The following ATP11C variants were observed in gnomAD, a reference collection of about 807,000 sequenced individuals.
ATP11C encodes the protein phospholipid-transporting ATPase IG.
ATP11C carries 36 observed loss-of-function variants against 97.4 expected under a neutral mutation model. The observed-to-expected ratio is 0.37, with a 90% CI of 0.28 to 0.49. ATP11C has a LOEUF of 0.49. Among genes scored for constraint, ATP11C ranks in the 20% least tolerant of loss-of-function variants. ATP11C has a pLI of 0.98. For missense variants in ATP11C, 730 were observed against 824.6 expected (o/e 0.89, Z 1.40); for synonymous variants, 275 against 290.9 (o/e 0.95, Z 0.56).
At chrX:139,729,019 C>T in intron 29 of ATP11C, 57 bp from the exon 30 acceptor site, 4 of 925,623 alleles carry the variant, frequency 4.3e-6, no homozygotes, top group Non-Finnish European at 6.1e-6. Context: ...GTGAAACCAT[C>T]TGTTAAGCAT....
intron 1 of ATP11C, among the ~76,000 whole-genome samples, chrX:139,841,100 A>C (rs985081068): frequency 1.4e-4 from 16 of 112,828 alleles, no homozygotes; most frequent in Admixed American, 6.6e-4. Flanking sequence ...TTACAAACTG[A>C]AAATTACATT....
chrX:139,770,208 G>A (rs777385880), intron 19 of ATP11C, among the ~76,000 whole-genome samples: 7 of 111,586 alleles, frequency 6.3e-5, no homozygotes, highest in Non-Finnish European at 1.3e-4. Context: ...ATCTTTTTAT[G>A]GAGAATAGAA....
At chrX:139,784,634 A>C (rs2082535452) in intron 16 of ATP11C, among the ~76,000 whole-genome samples, 1 of 111,165 alleles carries the variant, frequency 9.0e-6, no homozygotes, top group Non-Finnish European at 1.9e-5. Flanking sequence ...CAAAGACATG[A>C]GGGAGCCCAG....
chrX:139,879,258 G>A (rs996120563), intron 1 of ATP11C, among the ~76,000 whole-genome samples: 1 of 110,707 alleles, frequency 9.0e-6, no homozygotes, highest in African/African-American at 3.3e-5. Flanking sequence ...CCAAGATATG[G>A]TCACAACCTA....
chrX:139,767,028 G>C (rs761321741), intron 20 of ATP11C, among the ~76,000 whole-genome samples: 1 of 111,893 alleles, frequency 8.9e-6, no homozygotes, highest in East Asian at 2.8e-4. Context: ...ATGTACACCA[G>C]AGAAAGGAGT....
chrX:139,741,473 C>A (rs1427119631), intron 26 of ATP11C, among the ~76,000 whole-genome samples: 2 of 110,769 alleles, frequency 1.8e-5, no homozygotes, highest in Non-Finnish European at 3.8e-5. Context: ...GGAGACCTAG[C>A]TGGTGGGGGC....
chrX:139,761,885 G>A (rs2148671521), intron 22 of ATP11C, 76 bp downstream of exon 22: 13 of 732,226 alleles, frequency 1.8e-5, no homozygotes, highest in Non-Finnish European at 7.3e-6. Flanking sequence ...AAAAAAAAAG[G>A]AAGAACAAAA....
intron 26 of ATP11C, among the ~76,000 whole-genome samples, chrX:139,743,191 A>ACACTCT (rs2081606916): frequency 1.9e-5 from 2 of 103,478 alleles, no homozygotes; most frequent in Non-Finnish European, 4.0e-5. Context: ...ACACACACAC[A>ACACTCT]CTCTCTCTCT....
At chrX:139,852,450 TGCGGGGGGGGGGGGGGGG>T (rs2084008251) in intron 1 of ATP11C, among the ~76,000 whole-genome samples, 1 of 1,068 alleles carries the variant, frequency 9.4e-4, no homozygotes, top group African/African-American at 2.4e-3. Context: ...CTCTCAGCAA[TGCGGGGGGGGGGGGGGGG>T]GGGGGGGGGG....
chrX:139,848,991 T>A (rs943747628), intron 1 of ATP11C, among the ~76,000 whole-genome samples: 2 of 112,000 alleles, frequency 1.8e-5, no homozygotes, highest in African/African-American at 3.2e-5. Flanking sequence ...TCTTCCTTCA[T>A]CTGACTCTCC....
chrX:139,905,743 A>G (rs1185254087), intron 1 of ATP11C, among the ~76,000 whole-genome samples: 1 of 112,079 alleles, frequency 8.9e-6, no homozygotes, highest in Non-Finnish European at 1.9e-5. Flanking sequence ...CAGCAATCAA[A>G]TATAATTAAA....
chrX:139,859,072 C>CT (rs1277519433), intron 1 of ATP11C, among the ~76,000 whole-genome samples: 1 of 111,589 alleles, frequency 9.0e-6, no homozygotes, highest in Non-Finnish European at 1.9e-5. Flanking sequence ...TTAAGACAAA[C>CT]TTTTTTTTAC....
At chrX:139,759,811 C>T (rs1462975694) in intron 22 of ATP11C, among the ~76,000 whole-genome samples, 1 of 112,087 alleles carries the variant, frequency 8.9e-6, no homozygotes, top group African/African-American at 3.2e-5. Flanking sequence ...ACATAAATAA[C>T]CACTGGTCAA....
intron 10 of ATP11C, 36 bp downstream of exon 10, chrX:139,798,237 T>C: frequency 9.1e-7 from 1 of 1,103,409 alleles, no homozygotes; most frequent in Non-Finnish European, 1.2e-6. Context: ...ACTATTTTAA[T>C]CAATAATGAC....
chrX:139,806,047 G>A (rs2083034813), intron 5 of ATP11C, among the ~76,000 whole-genome samples: 1 of 111,871 alleles, frequency 8.9e-6, no homozygotes, highest in African/African-American at 3.3e-5. Flanking sequence ...ACCCATTAGA[G>A]GTCGGAAGAT....
At chrX:139,731,058 T>G (rs1201986195) in intron 29 of ATP11C, among the ~76,000 whole-genome samples, 1 of 111,814 alleles carries the variant, frequency 8.9e-6, no homozygotes, top group African/African-American at 3.2e-5. Context: ...TTGAAACATT[T>G]AGCTTGAATA....
chrX:139,860,550 G>A (rs1343183804), intron 1 of ATP11C, among the ~76,000 whole-genome samples: 1 of 111,961 alleles, frequency 8.9e-6, no homozygotes. Context: ...GGGTGCAGTG[G>A]CTCACACCTG....
intron 12 of ATP11C, among the ~76,000 whole-genome samples, chrX:139,791,047 A>C (rs2082681150): frequency 8.9e-6 from 1 of 111,744 alleles, no homozygotes; most frequent in Non-Finnish European, 1.9e-5. Context: ...GGACAAGATT[A>C]AGGTTTTTAT....
chrX:139,825,634 C>G (rs185334640), intron 2 of ATP11C, among the ~76,000 whole-genome samples: 1 of 112,159 alleles, frequency 8.9e-6, no homozygotes, highest in East Asian at 2.8e-4. Flanking sequence ...GTTAATCTCC[C>G]AGCAAAACAT....
Sources: allele counts gnomAD v4.1 joint callset (sites outside exome capture counted in the v4.1 genomes callset), GRCh38; gene constraint gnomAD v4.1.1; transcripts MANE v1.5; gene names NCBI Gene and HGNC (gene_info 2026-07-23, HGNC 2026-07-21).